VXN: variants seen among roughly 807,000 people sequenced by gnomAD.
The protein encoded by VXN is uncharacterized protein C8orf46.
Under a neutral mutation model 23.1 loss-of-function variants are expected in VXN, and 7 were observed. That is an observed-to-expected ratio of 0.30 (90% CI 0.17 to 0.57). VXN has a LOEUF of 0.57. VXN is among the 20% of genes least tolerant of loss of function. The probability of loss-of-function intolerance (pLI) is 0.91; values close to 1 mark genes in which losing one functional copy is unlikely to be tolerated. For synonymous variants in VXN, 120 were observed against 105.8 expected (o/e 1.13, Z -0.83); for missense variants, 238 against 272.6 (o/e 0.87, Z 0.89).
intron 4 of VXN, among the ~76,000 whole-genome samples, chr8:66,510,819 T>G (rs1413470070): frequency 6.6e-6 from 1 of 152,164 alleles, no homozygotes; most frequent in East Asian, 1.9e-4. Context: ...GGCACTGATC[T>G]TATCATAGAG....
intron 2 of VXN, 133 bp downstream of exon 2, chr8:66,496,625 A>G: frequency 1.3e-6 from 1 of 779,610 alleles, no homozygotes; most frequent in Non-Finnish European, 2.1e-6. Flanking sequence ...TGCGTGCTGC[A>G]CTCTCCGTTC....
intron 1 of VXN, 53 bp from the exon 2 acceptor site, chr8:66,496,384 T>C (rs2130540407): frequency 6.5e-7 from 1 of 1,544,860 alleles, no homozygotes; most frequent in Admixed American, 1.7e-5. Context: ...ACTGTAGCTA[T>C]GTCAGCCTCG....
intron 2 of VXN, among the ~76,000 whole-genome samples, chr8:66,496,802 T>C (rs1285884090): frequency 6.6e-6 from 1 of 152,234 alleles, no homozygotes; most frequent in African/African-American, 2.4e-5. Flanking sequence ...GCATTCCTGA[T>C]CTAGGTGTTT....
intron 2 of VXN, among the ~76,000 whole-genome samples, chr8:66,501,747 G>C (rs1807694837): frequency 1.3e-5 from 2 of 152,148 alleles, no homozygotes; most frequent in African/African-American, 4.8e-5. Context: ...AATTAGAAGA[G>C]AGGCAAGGTC....
At chr8:66,495,480 T>C (rs1446339325) in intron 1 of VXN, among the ~76,000 whole-genome samples, 1 of 152,222 alleles carries the variant, frequency 6.6e-6, no homozygotes, top group Non-Finnish European at 1.5e-5. Context: ...AGTAAATATA[T>C]AAAGCATCTA....
chr8:66,517,469 A>G lies in VXN; in HGVS notation c.*1393A>G, dbSNP rs1370848913. 1 of 152,230 alleles carries G rather than the reference A, an allele frequency of 6.6e-6. No homozygotes were observed. Among genetic ancestry groups the G allele is most frequent in the Non-Finnish European group, 1.5e-5 (1 of 68,050 alleles). 9.4% of individuals were successfully genotyped at this position (152,230 alleles called of 1,614,324 possible). On this transcript the variant is annotated 3_prime_UTR_variant, in exon 6 of 6. Coordinates refer to ENST00000305454, the MANE Select transcript of VXN (RefSeq NM_152765.4). The stretch of plus-strand genomic sequence containing the variant: ...ATGCCTGTGTTAGAGCTACTCCTTC[A>G]CACAAAATAGTTCAGAACATAGAGA...
chr8:66,505,237 C>T lies in VXN; in HGVS notation c.127-138C>T, dbSNP rs187273797. 4.1e-6 allele frequency: 5 copies of T among 1,214,346 alleles called. No homozygotes were observed. In the African/African-American group the frequency reaches 4.5e-5, roughly 11 times the overall value. 75.2% of individuals were successfully genotyped at this position (1,214,346 alleles called of 1,614,324 possible). A position where few individuals can be genotyped will look rare whatever the true frequency, so the allele number is the denominator to read the frequency against. On this transcript the variant is annotated intron_variant, in intron 2 of 5. Coordinates refer to ENST00000305454, the MANE Select transcript of VXN (RefSeq NM_152765.4). Reference sequence around the variant, plus strand: ...TCCTGCCCAGATTTTGTCGCTGTTCCTAGAATTCACTGGAATCACGAAGGA... The same window carrying T: ...TCCTGCCCAGATTTTGTCGCTGTTCTTAGAATTCACTGGAATCACGAAGGA...
rs898743381 is a variant in VXN, at chr8:66,516,639, T to C, written c.*563T>C. On this transcript the variant is annotated 3_prime_UTR_variant, in exon 6 of 6. Coordinates refer to ENST00000305454, the MANE Select transcript of VXN (RefSeq NM_152765.4). Reference sequence around the variant, plus strand: ...ATTTGGCATGATTGCATGAATTCTCTATTCTTTTATGTGCAGTTTTTCTAT... The same window carrying C: ...ATTTGGCATGATTGCATGAATTCTCCATTCTTTTATGTGCAGTTTTTCTAT... 1.3e-5 allele frequency: 2 copies of C among 152,258 alleles called. No homozygotes were observed. The highest frequency in any genetic ancestry group is 2.9e-5 in the Non-Finnish European group (2 of 68,050). 9.4% of individuals were successfully genotyped at this position (152,258 alleles called of 1,614,324 possible).
At chr8:66,511,028 C>A (rs1291086137) in intron 4 of VXN, among the ~76,000 whole-genome samples, 1 of 152,124 alleles carries the variant, frequency 6.6e-6, no homozygotes, top group Non-Finnish European at 1.5e-5. Flanking sequence ...GTGGGCTGTC[C>A]CAGGAAGGGT....
chr8:66,493,572 G>C lies in VXN; in HGVS notation c.-77G>C. On this transcript the variant is annotated 5_prime_UTR_variant, in exon 1 of 6. Transcript: ENST00000305454. ...GCACAATGATCCCTGAGCCAGACTGGATTAGGATGCCTCGCGACTAGGGGT... is the reference window on the plus strand; with the variant it reads ...GCACAATGATCCCTGAGCCAGACTGCATTAGGATGCCTCGCGACTAGGGGT... The C allele has an allele frequency of 8.1e-7, 1 of 1,234,386 alleles. No individual in the cohort carries two copies. Among genetic ancestry groups the C allele is most frequent in the Admixed American group, 1.7e-5 (1 of 58,932 alleles). 76.5% of individuals were successfully genotyped at this position (1,234,386 alleles called of 1,614,324 possible). A position where few individuals can be genotyped will look rare whatever the true frequency, so the allele number is the denominator to read the frequency against.
Position 66,516,203 on chromosome 8 carries a change from C to T in VXN, c.*127C>T. The T allele has an allele frequency of 1.3e-6, 1 of 777,464 alleles. No homozygotes were observed. The highest frequency in any genetic ancestry group is 1.9e-6 in the Non-Finnish European group (1 of 516,590). 48.2% of individuals were successfully genotyped at this position (777,464 alleles called of 1,614,324 possible). On this transcript the variant is annotated 3_prime_UTR_variant, in exon 6 of 6. Transcript: ENST00000305454. Reference sequence around the variant, plus strand: ...GGTCCAAACCCATTATCCTCCCTCACTCATTGATTACCCTGGGATAGGGCA... The same window carrying T: ...GGTCCAAACCCATTATCCTCCCTCATTCATTGATTACCCTGGGATAGGGCA...
intron 3 of VXN, among the ~76,000 whole-genome samples, chr8:66,509,248 A>T (rs1245550631): frequency 1.3e-5 from 2 of 152,174 alleles, no homozygotes; most frequent in African/African-American, 4.8e-5. Context: ...TTGTCCTGGG[A>T]CATCTGCCCC....
At chr8:66,507,054 T>G (rs1807768165) in intron 3 of VXN, among the ~76,000 whole-genome samples, 1 of 152,198 alleles carries the variant, frequency 6.6e-6, no homozygotes, top group African/African-American at 2.4e-5. Context: ...GGAATCTTAT[T>G]TTTATGCAGA....
intron 5 of VXN, among the ~76,000 whole-genome samples, chr8:66,514,590 C>T (rs553686724): frequency 6.6e-6 from 1 of 152,250 alleles, no homozygotes; most frequent in South Asian, 2.1e-4. Flanking sequence ...CCACCACGCC[C>T]AGCCGATTTT....
chr8:66,513,668 G>A, intron 5 of VXN, 31 bp downstream of exon 5: 1 of 1,582,366 alleles, frequency 6.3e-7, no homozygotes, highest in South Asian at 1.1e-5. Flanking sequence ...CCCACTGCCT[G>A]TGGCCTCCCA....
At chr8:66,500,874 T>TC (rs1807683697) in intron 2 of VXN, among the ~76,000 whole-genome samples, 1 of 148,140 alleles carries the variant, frequency 6.8e-6, no homozygotes, top group Non-Finnish European at 1.5e-5. Context: ...CATGATTTTT[T>TC]TTTTTTTTTT....
chr8:66,513,549 G>A lies in VXN; in HGVS notation c.352G>A (p.Val118Met), dbSNP rs1586523262. ...CGCTTCCTCATGACAGATACCGCCAGTGCCCCGGATCTCAGTGAAAACTTC... is the reference window on the plus strand; with the variant it reads ...CGCTTCCTCATGACAGATACCGCCAATGCCCCGGATCTCAGTGAAAACTTC... ...RAYGKSLIPP[V>M]PRISVKTSAS... Residue 118 changes from valine (V) to methionine (M), a missense_variant, in exon 5 of 6, where the codon GTG becomes ATG. By Grantham distance (21) the Val-to-Met change is conservative (BLOSUM62 1). Coordinates refer to ENST00000305454, the MANE Select transcript of VXN (RefSeq NM_152765.4). 2 of 1,614,146 alleles carry A rather than the reference G, an allele frequency of 1.2e-6. No individual in the cohort carries two copies. Among genetic ancestry groups the A allele is most frequent in the African/African-American group, 2.7e-5 (2 of 75,060 alleles).
In VXN at chr8:66,516,135, C is replaced by T; in HGVS notation, c.*59C>T. 1 of 1,472,074 alleles carries T rather than the reference C, an allele frequency of 6.8e-7. No individual in the cohort carries two copies. The highest frequency in any genetic ancestry group is 1.4e-5 in the African/African-American group (1 of 70,840). The allele number at this position is 1,472,074 out of a possible 1,614,324, so 91.2% of individuals were successfully genotyped here. A position where few individuals can be genotyped will look rare whatever the true frequency, so the allele number is the denominator to read the frequency against. On this transcript the variant is annotated 3_prime_UTR_variant, in exon 6 of 6. Transcript: ENST00000305454. ...AGGTTCCCCGGACAAGAGGAAAAAC[C>T]TTCAGGATTGAAACTGAGCCACACG...
intron 2 of VXN, among the ~76,000 whole-genome samples, chr8:66,497,877 T>TAGCCAGGC (rs1563505271): frequency 6.6e-6 from 1 of 151,588 alleles, no homozygotes; most frequent in Non-Finnish European, 1.5e-5. Context: ...GTCAAAAAAT[T>TAGCCAGGC]AGCCAGGCGG....
Sources: allele counts gnomAD v4.1 joint callset (sites outside exome capture counted in the v4.1 genomes callset), GRCh38; gene constraint gnomAD v4.1.1; transcripts MANE v1.5; gene names NCBI Gene and HGNC (gene_info 2026-07-23, HGNC 2026-07-21).